The following RAB3C variants were observed in gnomAD, a reference collection of about 807,000 sequenced individuals.
The protein encoded by RAB3C is ras-related protein Rab-3C.
RAB3C carries 17 observed loss-of-function variants against 26.4 expected under a neutral mutation model. The observed-to-expected ratio is 0.64, with a 90% CI of 0.44 to 0.97. The LOEUF (loss-of-function observed/expected upper bound fraction) is 0.97. RAB3C is among the 50% of genes least tolerant of loss of function. The pLI is 0.00. For synonymous variants in RAB3C, 91 were observed against 95.9 expected (o/e 0.95, Z 0.30); for missense variants, 242 against 281.9 (o/e 0.86, Z 1.01).
In RAB3C at chr5:58,856,303, A is replaced by G. The variant is rs1434349829; in HGVS notation, c.*4952A>G. 2 of 146,078 alleles carry G rather than the reference A, an allele frequency of 1.4e-5. No individual in the cohort carries two copies. The highest frequency in any genetic ancestry group is 2.6e-5 in the African/African-American group (1 of 39,204). The allele number at this position is 146,078 out of a possible 1,614,324, so 9.0% of individuals were successfully genotyped here. On this transcript the variant is annotated 3_prime_UTR_variant, in exon 5 of 5. Coordinates refer to ENST00000282878, the MANE Select transcript of RAB3C (RefSeq NM_138453.4). ...GAAATAAATTTTGCAAGCATTCTAG[A>G]TAACAGAAATGAGTCATTTTAAAAC...
chr5:58,684,981 A>G (rs1247666998), intron 2 of RAB3C, among the ~76,000 whole-genome samples: 7 of 152,190 alleles, frequency 4.6e-5, no homozygotes, highest in African/African-American at 2.4e-5. Flanking sequence ...ATATTGCAAT[A>G]TGTTACTGAT....
intron 3 of RAB3C, among the ~76,000 whole-genome samples, chr5:58,749,591 A>G (rs895304649): frequency 1.3e-5 from 2 of 152,186 alleles, no homozygotes; most frequent in Non-Finnish European, 2.9e-5. Flanking sequence ...CAGGATAAAT[A>G]TGGGGTTTGT....
At chr5:58,648,777 AC>A (rs1311214789) in intron 2 of RAB3C, among the ~76,000 whole-genome samples, 1 of 152,084 alleles carries the variant, frequency 6.6e-6, no homozygotes, top group African/African-American at 2.4e-5. Context: ...ATGCTATAAA[AC>A]CTCCAAATCT....
At chr5:58,736,286 A>G (rs972516218) in intron 3 of RAB3C, among the ~76,000 whole-genome samples, 2 of 152,150 alleles carry the variant, frequency 1.3e-5, no homozygotes, top group African/African-American at 4.8e-5. Context: ...TTTTAATAGT[A>G]AAAAGCACAC....
chr5:58,658,596 T>C (rs1234982831), intron 2 of RAB3C, among the ~76,000 whole-genome samples: 2 of 152,216 alleles, frequency 1.3e-5, no homozygotes, highest in Non-Finnish European at 2.9e-5. Context: ...TGGTAAGGTT[T>C]AGTGGCGTAA....
intron 2 of RAB3C, among the ~76,000 whole-genome samples, chr5:58,649,897 T>C (rs1747607334): frequency 6.6e-6 from 1 of 152,222 alleles, no homozygotes; most frequent in Admixed American, 6.5e-5. Flanking sequence ...CTGCTGAAGA[T>C]AAAGCCTTAG....
At chr5:58,735,047 C>T (rs1258167802) in intron 3 of RAB3C, among the ~76,000 whole-genome samples, 2 of 152,214 alleles carry the variant, frequency 1.3e-5, no homozygotes, top group African/African-American at 4.8e-5. Flanking sequence ...TATTCTCTGA[C>T]TCATGCCTGA....
chr5:58,834,713 C>T (rs954661576), intron 4 of RAB3C, among the ~76,000 whole-genome samples: 1 of 152,132 alleles, frequency 6.6e-6, no homozygotes, highest in African/African-American at 2.4e-5. Flanking sequence ...TTCTTTTTGG[C>T]TAAGTATTCC....
chr5:58,606,126 G>C (rs1479507692), intron 1 of RAB3C, among the ~76,000 whole-genome samples: 1 of 152,174 alleles, frequency 6.6e-6, no homozygotes, highest in Non-Finnish European at 1.5e-5. Context: ...CAAGGGGTCA[G>C]GGATTTCCCT....
intron 1 of RAB3C, among the ~76,000 whole-genome samples, chr5:58,615,310 G>T (rs1355350964): frequency 1.3e-5 from 2 of 152,106 alleles, no homozygotes; most frequent in Admixed American, 1.3e-4. Flanking sequence ...TTTTCTGGCT[G>T]TGGCTTAGCT....
intron 2 of RAB3C, among the ~76,000 whole-genome samples, chr5:58,702,005 T>C (rs1174525212): frequency 6.6e-6 from 1 of 152,182 alleles, no homozygotes; most frequent in Non-Finnish European, 1.5e-5. Context: ...GTGATGTCTT[T>C]TAGTAAGATG....
At chr5:58,630,614 G>A (rs940681803) in intron 2 of RAB3C, among the ~76,000 whole-genome samples, 3 of 152,144 alleles carry the variant, frequency 2.0e-5, no homozygotes, top group African/African-American at 4.8e-5. Flanking sequence ...ACCTGTTGCT[G>A]TATCACACAT....
chr5:58,638,488 A>G (rs1413549384), intron 2 of RAB3C, among the ~76,000 whole-genome samples: 1 of 152,184 alleles, frequency 6.6e-6, no homozygotes, highest in East Asian at 1.9e-4. Context: ...TCTTAAAAAT[A>G]AATGTATCCA....
intron 3 of RAB3C, among the ~76,000 whole-genome samples, chr5:58,741,294 T>TA (rs1307379014): frequency 6.6e-6 from 1 of 152,196 alleles, no homozygotes; most frequent in Non-Finnish European, 1.5e-5. Flanking sequence ...GTTCATTACA[T>TA]AGGCATGACT....
chr5:58,849,321 A>G (rs1013843552), intron 4 of RAB3C, among the ~76,000 whole-genome samples: 11 of 151,860 alleles, frequency 7.2e-5, no homozygotes, highest in Non-Finnish European at 1.5e-4. Flanking sequence ...GGTTCTTGGT[A>G]TCTTATGACA....
intron 3 of RAB3C, among the ~76,000 whole-genome samples, chr5:58,755,522 G>C (rs1026403421): frequency 1.2e-4 from 19 of 152,244 alleles, no homozygotes; most frequent in African/African-American, 4.6e-4. Flanking sequence ...GAGTACTAGG[G>C]GCTAGACAAG....
intron 1 of RAB3C, among the ~76,000 whole-genome samples, chr5:58,587,093 T>C (rs184655755): frequency 1.6e-4 from 25 of 152,276 alleles, no homozygotes; most frequent in African/African-American, 5.5e-4. Context: ...ATTGCTCAAG[T>C]ATCCACTTTT....
At chr5:58,677,388 C>G (rs1473714991) in intron 2 of RAB3C, among the ~76,000 whole-genome samples, 1 of 152,088 alleles carries the variant, frequency 6.6e-6, no homozygotes, top group Non-Finnish European at 1.5e-5. Context: ...TCTTATAAGT[C>G]TTTTGGATAG....
intron 2 of RAB3C, among the ~76,000 whole-genome samples, chr5:58,635,509 C>T (rs1747270494): frequency 6.6e-6 from 1 of 152,170 alleles, no homozygotes; most frequent in South Asian, 2.1e-4. Flanking sequence ...ATGATTTCTA[C>T]AGATATTTTT....
Sources: gnomAD v4.1 joint callset for allele counts (sites outside exome capture counted in the v4.1 genomes callset) on GRCh38, gnomAD v4.1.1 for gene constraint, MANE v1.5 for transcripts, NCBI Gene and HGNC (gene_info 2026-07-23, HGNC 2026-07-21) for gene names.